The following EOGT variants were observed in gnomAD, a reference collection of about 807,000 sequenced individuals.
The protein encoded by EOGT is EGF domain specific O-linked N-acetylglucosamine transferase.
Under a neutral mutation model 70.5 loss-of-function variants are expected in EOGT, and 55 were observed. That is an observed-to-expected ratio of 0.78 (90% CI 0.63 to 0.98). The LOEUF (loss-of-function observed/expected upper bound fraction) is 0.98. Ranked by LOEUF, EOGT falls within the 50% of genes least tolerant of loss-of-function variation. The pLI, the probability that EOGT is intolerant of heterozygous loss-of-function variation, is 0.00. For synonymous variants in EOGT, 246 were observed against 217.1 expected, an observed-to-expected ratio of 1.13 and a Z score of -1.17; for missense variants, 703 against 641.9, an observed-to-expected ratio of 1.10 and a Z score of -1.03.
rs1575701771 is a variant in EOGT at position 68,978,506 on chromosome 3, A to G, written c.1335-71T>C. The G allele has an allele frequency of 3.9e-6, 4 of 1,013,222 alleles. No individual in the cohort carries two copies. The East Asian group carries it at 1.0e-4, about 26-fold the overall frequency. 62.8% of individuals were successfully genotyped at this position (1,013,222 alleles called of 1,614,324 possible). A position where few individuals can be genotyped will look rare whatever the true frequency, so the allele number is the denominator to read the frequency against. On this transcript the variant is annotated intron_variant, in intron 16 of 17. Coordinates refer to ENST00000383701, the MANE Select transcript of EOGT (RefSeq NM_001278689.2). Reference sequence around the variant, plus strand: ...TTTTCCAAATCAACAACTCTGCGAAAATAAAATGCAGCTCCCAAATATGTC... The same window carrying G: ...TTTTCCAAATCAACAACTCTGCGAAGATAAAATGCAGCTCCCAAATATGTC...
rs150999503 is a variant in EOGT, at chr3:69,008,484, G to C, written c.255C>G (p.Ser85=). ...AACCAAACCTGAACTCTGGTTTGCA[G>C]GATTTCTCATAACCCCAGCAGTACT... ...KLKYCWGYEK[S]CKPEFRFGYP... is the part of the protein sequence containing the mutation. Residue 85 remains serine (S), a synonymous_variant, in exon 5 of 18, where the codon TCC becomes TCG. Coordinates refer to ENST00000383701, the MANE Select transcript of EOGT (RefSeq NM_001278689.2). The C allele has an allele frequency of 1.2e-5, 19 of 1,613,938 alleles. No homozygotes were observed. The highest frequency in any genetic ancestry group is 1.3e-5 in the African/African-American group (1 of 74,898).
intron 15 of EOGT, among the ~76,000 whole-genome samples, chr3:68,981,336 C>T (rs778556606): frequency 3.4e-4 from 52 of 152,138 alleles, no homozygotes; most frequent in Non-Finnish European, 5.3e-4. Flanking sequence ...AGATTTATTG[C>T]ACAAATGAAC....
chr3:69,003,917 T>A (rs2091368469), intron 8 of EOGT, among the ~76,000 whole-genome samples: 4 of 152,220 alleles, frequency 2.6e-5, no homozygotes, highest in Admixed American at 2.6e-4. Context: ...CATTTTTATT[T>A]TTTAGATTTG....
chr3:68,980,882 C>A (rs1296226751), intron 15 of EOGT, among the ~76,000 whole-genome samples: 2 of 152,172 alleles, frequency 1.3e-5, no homozygotes, highest in African/African-American at 4.8e-5. Context: ...TGGCAAGGTA[C>A]GAATTCATTA....
chr3:69,008,314 T>C (rs973464791), intron 5 of EOGT, 114 bp downstream of exon 5: 10 of 735,394 alleles, frequency 1.4e-5, no homozygotes, highest in Non-Finnish European at 1.7e-5. Flanking sequence ...AGCAAATTAA[T>C]ATCTAAATGA....
intron 13 of EOGT, chr3:68,987,749 T>C: frequency 3.7e-6 from 2 of 545,582 alleles, no homozygotes; most frequent in South Asian, 2.3e-5. Context: ...GGTGGGTGAA[T>C]TTTTTGGCAG....
chr3:69,004,361 C>T lies in EOGT; in HGVS notation c.620+17G>A, dbSNP rs144884919. On this transcript the variant is annotated intron_variant, in intron 8 of 17. Transcript: ENST00000383701. ...AAGGCAAATATTTCCGAAACAGATA[C>T]GTTAAAAATATCTTACCATGACTGC... The T allele has an allele frequency of 1.2e-3, 1,902 of 1,578,560 alleles. 23 individuals carry two copies. The African/African-American group carries it at 0.02, about 16-fold the overall frequency.
At chr3:68,996,747 T>C (rs1243793055) in intron 10 of EOGT, among the ~76,000 whole-genome samples, 1 of 152,212 alleles carries the variant, frequency 6.6e-6, no homozygotes, top group African/African-American at 2.4e-5. Context: ...GTGGTTCCCC[T>C]GCAATGTCAT....
chr3:68,985,379 A>G (rs549073249), intron 14 of EOGT, among the ~76,000 whole-genome samples: 13 of 152,192 alleles, frequency 8.5e-5, no homozygotes, highest in Non-Finnish European at 1.8e-4. Context: ...TGTTAATTAC[A>G]TAATTCGGAT....
intron 13 of EOGT, among the ~76,000 whole-genome samples, chr3:68,988,049 G>C (rs151277776): frequency 2.6e-5 from 4 of 152,150 alleles, no homozygotes; most frequent in African/African-American, 9.7e-5. Flanking sequence ...TGAGTAGCTG[G>C]GACTACAGGC....
Position 68,978,338 on chromosome 3 carries a change from C to A in EOGT, c.1432G>T (p.Asp478Tyr), listed in dbSNP as rs1050833642. Residue 478 changes from aspartate to tyrosine, a missense_variant, in exon 17 of 18, where the codon GAT becomes TAT. Asp to Tyr is a radical substitution (Grantham distance 160). Coordinates refer to ENST00000383701, the MANE Select transcript of EOGT (RefSeq NM_001278689.2). The stretch of plus-strand genomic sequence containing the variant: ...GTTTTGTGATTGAACTTTACCTTAT[C>A]CTGAGGAAAGACTTTGTTCTGCCGT... Reference protein sequence around the residue: ...WRRQNKVFPQDKGHHPTLGEH... With the variant: ...WRRQNKVFPQYKGHHPTLGEH... 1.9e-6 allele frequency: 3 copies of A among 1,610,804 alleles called. No individual in the cohort carries two copies. The Admixed American group carries it at 5.0e-5, about 27-fold the overall frequency.
intron 10 of EOGT, 48 bp downstream of exon 10, chr3:68,997,963 G>A (rs2091196507): frequency 1.8e-6 from 2 of 1,098,364 alleles, no homozygotes; most frequent in East Asian, 2.5e-5. Flanking sequence ...GTCACACACT[G>A]ATACAAGGGA....
chr3:68,983,099 A>C (rs555343099), intron 14 of EOGT, among the ~76,000 whole-genome samples: 1 of 152,334 alleles, frequency 6.6e-6, no homozygotes, highest in Admixed American at 6.5e-5. Context: ...ACACGACTCT[A>C]CCTCCCTCAG....
At chr3:68,979,910 A>T in intron 15 of EOGT, 123 bp from the exon 16 acceptor site, 1 of 916,944 alleles carries the variant, frequency 1.1e-6, no homozygotes, top group Non-Finnish European at 1.5e-6. Context: ...ACCACATTCC[A>T]TTTTTAAGAA....
Position 68,982,875 on chromosome 3 carries a change from G to T in EOGT, c.1153-3C>A, listed in dbSNP as rs1465028816. The T allele has an allele frequency of 1.9e-6, 3 of 1,594,224 alleles. No individual in the cohort carries two copies. The highest frequency in any genetic ancestry group is 1.7e-6 in the Non-Finnish European group (2 of 1,170,612). ...ACTGTTTTCAGTGCATTTACAAGCT[G>T]GGAAAAAAAGAGAAACATTTAGCAT... On this transcript the variant is annotated splice_polypyrimidine_tract_variant and splice_region_variant and intron_variant, in intron 14 of 17. Transcript: ENST00000383701.
rs112272916 is a variant in EOGT, at chr3:68,995,456, C to T, written c.831+2555G>A. On this transcript the variant is annotated intron_variant, in intron 10 of 17. Transcript: ENST00000383701. ...AGGCGGCCACCCTGCTGGGCTACAC[C>T]CATCCTGCTTAACTGTGCCAGAGCT... 1.1e-3 allele frequency among the ~76,000 whole-genome samples: 160 copies of T among 152,202 alleles called. 1 individual carries two copies. The highest frequency in any genetic ancestry group is 9.0e-3 in the South Asian group (43 of 4,800).
intron 10 of EOGT, among the ~76,000 whole-genome samples, chr3:68,995,579 G>A (rs1042166554): frequency 2.0e-5 from 3 of 152,168 alleles, no homozygotes; most frequent in Non-Finnish European, 2.9e-5. Flanking sequence ...CAGAGAAGGG[G>A]AGGGTTGTAG....
intron 4 of EOGT, 128 bp from the exon 5 acceptor site, chr3:69,008,656 C>T (rs995316185): frequency 1.7e-5 from 11 of 660,028 alleles, no homozygotes; most frequent in Admixed American, 2.9e-5. Flanking sequence ...ATTCTTATAA[C>T]AATAAATTTA....
chr3:68,980,215 A>T (rs1231478614), intron 15 of EOGT, among the ~76,000 whole-genome samples: 4 of 152,222 alleles, frequency 2.6e-5, no homozygotes, highest in Admixed American at 6.5e-5. Context: ...TGTTAAAGAG[A>T]TGTTGTGACA....
Sources: gnomAD v4.1 joint callset for allele counts (sites outside exome capture counted in the v4.1 genomes callset) on GRCh38, gnomAD v4.1.1 for gene constraint, MANE v1.5 for transcripts, NCBI Gene and HGNC (gene_info 2026-07-23, HGNC 2026-07-21) for gene names.